Variants in MUC5AC observed in about 807,000 individuals in gnomAD.
MUC5AC encodes mucin 5AC, oligomeric mucus/gel-forming.
A neutral mutation model predicts 169.7 loss-of-function variants in MUC5AC; 158 were observed. The observed-to-expected ratio is 0.93, with a 90% CI of 0.82 to 1.06. MUC5AC has a LOEUF of 1.06. MUC5AC is among the 50% of genes least tolerant of loss of function. The pLI, the probability that MUC5AC is intolerant of heterozygous loss-of-function variation, is 0.00. For synonymous variants in MUC5AC, 1,975 were observed against 1,237.0 expected (o/e 1.60, Z -12.52); for missense variants, 4,359 against 3,089.9 (o/e 1.41, Z -9.74).
intron 15 of MUC5AC, among the ~76,000 whole-genome samples, chr11:1,171,521 TCACC>T (rs1860535921): frequency 2.0e-5 from 2 of 98,216 alleles, no homozygotes; most frequent in East Asian, 3.4e-4. Flanking sequence ...ACCCACTCAC[TCACC>T]CACTCACCCA....
Position 1,195,147 on chromosome 11 carries a change from C to T in MUC5AC, c.15326C>T (p.Pro5109Leu). 2.6e-6 allele frequency: 2 copies of T among 763,972 alleles called. No homozygotes were observed. The highest frequency in any genetic ancestry group is 1.7e-5 in the African/African-American group (1 of 59,254). 47.3% of individuals were successfully genotyped at this position (763,972 alleles called of 1,614,324 possible). ...GCCTGCCACCGGCCTCACCCGACGC[C>T]CACCACGGTCGGGCCCACCACAGTT... is the stretch of plus-strand genomic sequence containing the variant. The part of the protein sequence containing the change: ...QPACHRPHPT[P>L]TTVGPTTVGS... Residue 5109 changes from proline (P) to leucine (L), a missense_variant, in exon 36 of 49, where the codon CCC becomes CTC. Physicochemically the swap from Pro to Leu is moderately conservative, Grantham distance 98. Transcript: ENST00000621226.
Position 1,164,571 on chromosome 11 carries a change from C to T in MUC5AC, c.1129+39C>T, listed in dbSNP as rs763181656. 19 of 1,576,188 alleles carry T rather than the reference C, an allele frequency of 1.2e-5. No individual in the cohort carries two copies. The Admixed American group carries it at 1.2e-4, about 10-fold the overall frequency. Reference sequence around the variant, plus strand: ...GCCCCTGGGAAACACAGGTGCACCCCGACAACTAGGGGGCTGTGCTCCCAT... The same window carrying T: ...GCCCCTGGGAAACACAGGTGCACCCTGACAACTAGGGGGCTGTGCTCCCAT... On this transcript the variant is annotated intron_variant, in intron 9 of 48. Transcript: ENST00000621226.
Position 1,163,062 on chromosome 11 carries a change from C to T in MUC5AC, c.679+17C>T, listed in dbSNP as rs778959966. ...TCTCCCACAGTAAGGCCCCACATCGCCCTCAGCCCCTTCCTCAGTGTCCCC... is the reference window on the plus strand; with the variant it reads ...TCTCCCACAGTAAGGCCCCACATCGTCCTCAGCCCCTTCCTCAGTGTCCCC... On this transcript the variant is annotated intron_variant, in intron 6 of 48. Coordinates refer to ENST00000621226, the MANE Select transcript of MUC5AC (RefSeq NM_001304359.2). 2.6e-5 allele frequency: 42 copies of T among 1,606,936 alleles called. No individual in the cohort carries two copies. Among genetic ancestry groups the T allele is most frequent in the Non-Finnish European group, 3.2e-5 (38 of 1,174,638 alleles).
Position 1,185,233 on chromosome 11 carries a change from G to T in MUC5AC, c.7088G>T (p.Ser2363Ile). The change falls in exon 31 of 49, where the codon AGC becomes ATC. Residue 2363 changes from serine to isoleucine, a missense_variant. Transcript: ENST00000621226. ...TTSITSAPTT[S>I]TTSAPTTSTT... ...AGCATAACCTCTGCCCCTACAACCA[G>T]CACAACCTCTGCTCCTACAACCAGC... The T allele has an allele frequency of 2.7e-6, 2 of 728,674 alleles. No homozygotes were observed. The highest frequency in any genetic ancestry group is 1.9e-5 in the Admixed American group (1 of 53,202). 45.1% of individuals were successfully genotyped at this position (728,674 alleles called of 1,614,324 possible).
chr11:1,191,252 A>G lies in MUC5AC; in HGVS notation c.13107A>G (p.Thr4369=). Residue 4369 remains threonine, a synonymous_variant, in exon 31 of 49, where the codon ACA becomes ACG. Coordinates refer to ENST00000621226, the MANE Select transcript of MUC5AC (RefSeq NM_001304359.2). The stretch of plus-strand genomic sequence containing the variant: ...CAACCTCTGCCTCTACAGCCAGCAC[A>G]ACCTCTGGTCCTGGAACTACTCCCA... ...TSTTSASTAS[T]TSGPGTTPSP... is the part of the protein sequence containing the mutation. 1.4e-6 allele frequency: 1 copy of G among 732,420 alleles called. No individual in the cohort carries two copies. Among genetic ancestry groups the G allele is most frequent in the Non-Finnish European group, 2.5e-6 (1 of 401,444 alleles). 45.4% of individuals were successfully genotyped at this position (732,420 alleles called of 1,614,324 possible). A position where few individuals can be genotyped will look rare whatever the true frequency, so the allele number is the denominator to read the frequency against.
intron 37 of MUC5AC, 38 bp from the exon 38 acceptor site, chr11:1,196,350 C>A: frequency 1.3e-6 from 1 of 762,876 alleles, no homozygotes; most frequent in Non-Finnish European, 2.4e-6. Context: ...GGGTGGGTGC[C>A]CTCCCACCCT....
intron 24 of MUC5AC, among the ~76,000 whole-genome samples, chr11:1,178,012 C>T (rs1860727842): frequency 6.6e-6 from 1 of 152,206 alleles, no homozygotes; most frequent in Non-Finnish European, 1.5e-5. Flanking sequence ...ATCGCCGCCC[C>T]GTCTTCACGC....
In MUC5AC at chr11:1,183,541, A is replaced by T. The variant is rs1266567446; in HGVS notation, c.5396A>T (p.Glu1799Val). ...RLQCRAKSHP[E>V]VSIEHLGQVV... ...CAGTGCCGAGCCAAGAGCCACCCAG[A>T]GGTGAGCATCGAACACCTGGGCCAG... Residue 1799 changes from glutamate (E) to valine (V), a missense_variant, in exon 31 of 49, where the codon GAG becomes GTG. By Grantham distance (121) the Glu-to-Val change is moderately radical. Coordinates refer to ENST00000621226, the MANE Select transcript of MUC5AC (RefSeq NM_001304359.2). 1 of 632,534 alleles carries T rather than the reference A, an allele frequency of 1.6e-6. No individual in the cohort carries two copies. Among genetic ancestry groups the T allele is most frequent in the African/African-American group, 1.9e-5 (1 of 51,736 alleles). The allele number at this position is 632,534 out of a possible 1,614,324, so 39.2% of individuals were successfully genotyped here.
chr11:1,172,808 A>T (rs963402002), intron 16 of MUC5AC, among the ~76,000 whole-genome samples: 1 of 145,656 alleles, frequency 6.9e-6, no homozygotes, highest in African/African-American at 2.6e-5. Context: ...TCACCCATTC[A>T]CCCATTTACC....
At chr11:1,193,794 G>A in intron 33 of MUC5AC, 135 bp downstream of exon 33, 1 of 635,702 alleles carries the variant, frequency 1.6e-6, no homozygotes, top group South Asian at 1.8e-5. Context: ...GGACTTCCCA[G>A]CATCAAGGCG....
At position 1,163,181 on chromosome 11, in the gene MUC5AC, A is replaced by C. The variant is rs1400274601; in HGVS notation, c.679+136A>C. On this transcript the variant is annotated intron_variant, in intron 6 of 48. Coordinates refer to ENST00000621226, the MANE Select transcript of MUC5AC (RefSeq NM_001304359.2). ...ATGCAGCTGCCCTCCCTCCTAGCAC[A>C]GCACACACGTGCACACACGCGATCC... 7.2e-6 allele frequency: 6 copies of C among 837,380 alleles called. No homozygotes were observed. The East Asian group carries it at 1.6e-4, about 22-fold the overall frequency. The allele number at this position is 837,380 out of a possible 1,614,324, so 51.9% of individuals were successfully genotyped here. A position where few individuals can be genotyped will look rare whatever the true frequency, so the allele number is the denominator to read the frequency against.
intron 11 of MUC5AC, among the ~76,000 whole-genome samples, 200 bp from the exon 12 acceptor site, chr11:1,167,677 C>T (rs966896638): frequency 1.3e-5 from 2 of 152,196 alleles, no homozygotes; most frequent in Non-Finnish European, 2.9e-5. Flanking sequence ...AGTGTGGCCT[C>T]CTCAGGGTGC....
Position 1,199,496 on chromosome 11 carries a change from G to A in MUC5AC, c.16515+6G>A. On this transcript the variant is annotated splice_donor_region_variant and intron_variant, in intron 46 of 48. Coordinates refer to ENST00000621226, the MANE Select transcript of MUC5AC (RefSeq NM_001304359.2). ...CCCCGCTCAGCTGTTCTCTGGTGAGGTCCAGGATCCCCGCTCCAGCCAAGG... is the reference window on the plus strand; with the variant it reads ...CCCCGCTCAGCTGTTCTCTGGTGAGATCCAGGATCCCCGCTCCAGCCAAGG... 1 of 707,848 alleles carries A rather than the reference G, an allele frequency of 1.4e-6. No individual in the cohort carries two copies. The highest frequency in any genetic ancestry group is 2.6e-6 in the Non-Finnish European group (1 of 387,968). 43.8% of individuals were successfully genotyped at this position (707,848 alleles called of 1,614,324 possible).
In MUC5AC at chr11:1,190,463, C is replaced by G; in HGVS notation, c.12318C>G (p.Thr4106=). Residue 4106 remains threonine, a synonymous_variant, in exon 31 of 49, where the codon ACC becomes ACG. Transcript: ENST00000621226. ...STTSTPQTST[T]SAPTTSTIPA... is the part of the protein sequence containing the mutation. The stretch of plus-strand genomic sequence containing the variant: ...CCTCCACTCCACAGACCAGCACAAC[C>G]TCTGCCCCTACAACCAGCACAATCC... 1 of 696,064 alleles carries G rather than the reference C, an allele frequency of 1.4e-6. No individual in the cohort carries two copies. The highest frequency in any genetic ancestry group is 1.5e-5 in the South Asian group (1 of 65,422). The allele number at this position is 696,064 out of a possible 1,614,324, so 43.1% of individuals were successfully genotyped here.
chr11:1,166,806 C>A (rs1298305625), intron 11 of MUC5AC, among the ~76,000 whole-genome samples: 3 of 90,494 alleles, frequency 3.3e-5, no homozygotes, highest in Non-Finnish European at 2.1e-5. Flanking sequence ...CAGTCTCCCA[C>A]GATGAGACCC....
chr11:1,195,055 G>T lies in MUC5AC; in HGVS notation c.15234G>T (p.Arg5078Ser), dbSNP rs767670615. Reference protein sequence around the residue: ...NDRKDECRTPRGTVVASCSEM... With the variant: ...NDRKDECRTPSGTVVASCSEM... ...GGAAGGATGAGTGCCGCACGCCTAG[G>T]GGGACGGTGGTCGCTTCCTGCTCCG... is the stretch of plus-strand genomic sequence containing the variant. Residue 5078 changes from arginine (R) to serine (S), a missense_variant, in exon 36 of 49, where the codon AGG becomes AGT. Transcript: ENST00000621226. The T allele has an allele frequency of 2.7e-6, 2 of 753,050 alleles. No homozygotes were observed. Among genetic ancestry groups the T allele is most frequent in the Non-Finnish European group, 4.8e-6 (2 of 412,496 alleles). 46.6% of individuals were successfully genotyped at this position (753,050 alleles called of 1,614,324 possible).
intron 19 of MUC5AC, among the ~76,000 whole-genome samples, chr11:1,175,837 G>GCACTCACACCCACTTATGCAA (rs1554926831): frequency 0.88 from 80,000 of 91,004 alleles, 34,644 homozygotes; most frequent in East Asian, 0.97. Flanking sequence ...TCATGCACAC[G>GCACTCACACCCACTTATGCAA]CACTCACACA....
rs1554928424 is a variant in MUC5AC at position 1,187,975 on chromosome 11, C to T, written c.9830C>T (p.Pro3277Leu). Residue 3277 changes from proline to leucine, a missense_variant, in exon 31 of 49, where the codon CCG (proline) becomes CTG (leucine). Pro to Leu is a moderately conservative substitution (Grantham distance 98). Transcript: ENST00000621226. Reference sequence around the variant, plus strand: ...CTCCAGTGCCGAGCCGAGAGCCACCCGGAGGTGAGCATTGAACACCTGGGC... The same window carrying T: ...CTCCAGTGCCGAGCCGAGAGCCACCTGGAGGTGAGCATTGAACACCTGGGC... ...TRLQCRAESH[P>L]EVSIEHLGQV... 1.6e-5 allele frequency: 12 copies of T among 757,464 alleles called. No individual in the cohort carries two copies. The highest frequency in any genetic ancestry group is 4.1e-5 in the South Asian group (3 of 73,968). 46.9% of individuals were successfully genotyped at this position (757,464 alleles called of 1,614,324 possible).
chr11:1,162,034 C>G lies in MUC5AC; in HGVS notation c.339C>G (p.Ala113=), dbSNP rs766151437. ...ACGTGTTCTCCGAGCACTGCGGTGC[C>G]GCCTACGAGGATTTTAACATCCAGC... ...CNYVFSEHCG[A]AYEDFNIQLR... Residue 113 remains alanine, a synonymous_variant, in exon 4 of 49, where the codon GCC becomes GCG. Coordinates refer to ENST00000621226, the MANE Select transcript of MUC5AC (RefSeq NM_001304359.2). 1.2e-6 allele frequency: 2 copies of G among 1,612,588 alleles called. No individual in the cohort carries two copies. The highest frequency in any genetic ancestry group is 1.7e-6 in the Non-Finnish European group (2 of 1,179,756).
Sources: gnomAD v4.1 joint callset for allele counts (sites outside exome capture counted in the v4.1 genomes callset) on GRCh38, gnomAD v4.1.1 for gene constraint, MANE v1.5 for transcripts, NCBI Gene and HGNC (gene_info 2026-07-23, HGNC 2026-07-21) for gene names.